The following PIR variants were observed in gnomAD, a reference collection of about 807,000 sequenced individuals.
The protein encoded by PIR is pirin (iron-binding nuclear protein).
Under a neutral mutation model 24.2 loss-of-function variants are expected in PIR, and 22 were observed. The ratio of observed to expected loss-of-function variants is 0.91; its 90% CI spans 0.65 to 1.30. The LOEUF is 1.30. Ranked by LOEUF, PIR falls within the 50% of genes most tolerant of loss-of-function variation. PIR has a pLI of 0.00. For missense variants in PIR, 220 were observed against 220.3 expected (o/e 1.00, Z 0.01); for synonymous variants, 80 against 79.6 (o/e 1.00, Z -0.03).
chrX:15,486,179 C>T (rs182545130), intron 2 of PIR, among the ~76,000 whole-genome samples: 67 of 106,426 alleles, frequency 6.3e-4, no homozygotes, highest in African/African-American at 1.7e-3. Context: ...CATAGTGAAA[C>T]CCTGTCTCTA....
chrX:15,473,972 A>G (rs1922066322), intron 3 of PIR, among the ~76,000 whole-genome samples: 1 of 112,715 alleles, frequency 8.9e-6, no homozygotes, highest in Admixed American at 9.4e-5. Context: ...GGGTTAAAGG[A>G]GAATAACTTT....
chrX:15,489,856 C>T (rs1469699759), intron 2 of PIR, among the ~76,000 whole-genome samples: 1 of 111,273 alleles, frequency 9.0e-6, no homozygotes, highest in African/African-American at 3.3e-5. Flanking sequence ...CACTCATATG[C>T]GAAATCTAAA....
intron 7 of PIR, among the ~76,000 whole-genome samples, chrX:15,405,593 T>C (rs1275015991): frequency 8.9e-6 from 1 of 112,775 alleles, no homozygotes; most frequent in Non-Finnish European, 1.9e-5. Flanking sequence ...TAGATTATTT[T>C]GTTGCTCTTG....
At chrX:15,456,648 G>A (rs961818832) in intron 4 of PIR, among the ~76,000 whole-genome samples, 1 of 112,463 alleles carries the variant, frequency 8.9e-6, no homozygotes, top group African/African-American at 3.2e-5. Context: ...CCTAGGAAGG[G>A]AAGCCGTTGT....
chrX:15,389,879 CTT>C (rs961872088), intron 9 of PIR: 1 of 143,640 alleles, frequency 7.0e-6, no homozygotes, highest in Admixed American at 8.7e-5. Context: ...ACTGTAGACT[CTT>C]TTTTCAAGTT....
chrX:15,423,488 C>T (rs1374991431), intron 6 of PIR, among the ~76,000 whole-genome samples: 4 of 111,101 alleles, frequency 3.6e-5, no homozygotes, highest in African/African-American at 6.6e-5. Context: ...TGGTGGCACA[C>T]ACCTGTAATC....
At chrX:15,403,992 TC>T (rs774631998) in intron 7 of PIR, among the ~76,000 whole-genome samples, 10 of 53,427 alleles carry the variant, frequency 1.9e-4, no homozygotes, top group African/African-American at 5.9e-4. Context: ...TCCAGCATTT[TC>T]TTTTTTTTTT....
intron 8 of PIR, among the ~76,000 whole-genome samples, chrX:15,392,824 A>T (rs113592747): frequency 0.01 from 1,148 of 112,509 alleles, 12 homozygotes; most frequent in African/African-American, 0.035. Flanking sequence ...CTGTCAAAAT[A>T]TGCAAACATG....
intron 5 of PIR, 22 bp downstream of exon 5, chrX:15,455,826 T>A (rs751041070): frequency 8.6e-7 from 1 of 1,164,666 alleles, no homozygotes; most frequent in Non-Finnish European, 1.2e-6. Flanking sequence ...TCAGGTTAAA[T>A]AGACACAATA....
chrX:15,417,483 CT>C lies in PIR; in HGVS notation c.565+8422del, dbSNP rs771735761. Among the ~76,000 whole-genome samples, 611 of 111,715 alleles carry C rather than the reference CT, an allele frequency of 5.5e-3. 5 individuals are homozygous for C. Among genetic ancestry groups the C allele is most frequent in the African/African-American group, 0.018 (567 of 30,804 alleles). ...AATCAAGGAAGATGTAGCTCCTTTCCTTTTTTTTCCCCATAAACACAGAAGC... is the reference window on the plus strand; with the variant it reads ...AATCAAGGAAGATGTAGCTCCTTTCCTTTTTTTCCCCATAAACACAGAAGC... On this transcript the variant is annotated intron_variant, in intron 6 of 9. Coordinates refer to ENST00000380420, the MANE Select transcript of PIR (RefSeq NM_001018109.3).
chrX:15,445,475 G>A (rs1183401729), intron 5 of PIR, among the ~76,000 whole-genome samples: 1 of 111,646 alleles, frequency 9.0e-6, no homozygotes, highest in Non-Finnish European at 1.9e-5. Flanking sequence ...CATGGCACAT[G>A]TATGCCTATG....
At chrX:15,466,751 C>T (rs1921618355) in intron 3 of PIR, among the ~76,000 whole-genome samples, 1 of 111,800 alleles carries the variant, frequency 8.9e-6, no homozygotes, top group Admixed American at 9.4e-5. Flanking sequence ...TTCATTCACG[C>T]TTCCTGGAAT....
intron 5 of PIR, chrX:15,429,872 A>C (rs777280923): frequency 9.1e-6 from 1 of 110,298 alleles, no homozygotes; most frequent in East Asian, 2.8e-4. Context: ...AAAAAAAAAA[A>C]GGTGATGATG....
At position 15,384,935 on chromosome X, in the gene PIR, C is replaced by T. The variant is rs1923686889; in HGVS notation, c.*69G>A. ...CTAAATAAGCTTTAGAAATGGAATG[C>T]CTTCAATGGCTCAATCTCAGAAATG... On this transcript the variant is annotated 3_prime_UTR_variant, in exon 10 of 10. Transcript: ENST00000380420. The T allele has an allele frequency of 3.7e-6, 2 of 534,654 alleles. No homozygotes were observed. The highest frequency in any genetic ancestry group is 3.3e-6 in the Non-Finnish European group (1 of 304,567). The allele number at this position is 534,654 out of a possible 1,213,427, so 44.1% of individuals were successfully genotyped here.
intron 6 of PIR, among the ~76,000 whole-genome samples, chrX:15,423,615 T>TAAA (rs151069667): frequency 0.23 from 23,281 of 102,933 alleles, 2,278 homozygotes; most frequent in East Asian, 0.49. Context: ...GACTCTGTCT[T>TAAA]AAAAAAAAAA....
intron 8 of PIR, among the ~76,000 whole-genome samples, chrX:15,395,039 C>T (rs1024475843): frequency 8.9e-6 from 1 of 111,891 alleles, no homozygotes; most frequent in Non-Finnish European, 1.9e-5. Context: ...AAATCAGCTT[C>T]TCATTCTTGA....
intron 6 of PIR, among the ~76,000 whole-genome samples, chrX:15,417,396 A>C (rs1029942882): frequency 1.2e-4 from 14 of 112,339 alleles, no homozygotes; most frequent in African/African-American, 4.5e-4. Flanking sequence ...GATTTATTTA[A>C]ATGTATACTA....
intron 7 of PIR, among the ~76,000 whole-genome samples, chrX:15,407,112 C>T (rs1924573576): frequency 8.9e-6 from 1 of 112,514 alleles, no homozygotes; most frequent in Admixed American, 9.4e-5. Flanking sequence ...TCAGAGGAAA[C>T]TAGCATTGCA....
rs750525499 is a variant in PIR at position 15,390,263 on chromosome X, A to G, written c.694-12T>C. 8.7e-6 allele frequency: 9 copies of G among 1,033,010 alleles called. No individual in the cohort carries two copies. The Admixed American group carries it at 2.2e-4, about 25-fold the overall frequency. 85.1% of individuals were successfully genotyped at this position (1,033,010 alleles called of 1,213,427 possible). On this transcript the variant is annotated splice_polypyrimidine_tract_variant and intron_variant, in intron 8 of 9. Transcript: ENST00000380420. ...CTTCTCTTGGGATCCTAAAGTTAAC[A>G]AAGAAAACATCAAACAATAAGCAGG...
Sources: gnomAD v4.1 joint callset for allele counts (sites outside exome capture counted in the v4.1 genomes callset) on GRCh38, gnomAD v4.1.1 for gene constraint, MANE v1.5 for transcripts, NCBI Gene and HGNC (gene_info 2026-07-23, HGNC 2026-07-21) for gene names.